The following SAMD5 variants were observed in gnomAD, a reference collection of about 807,000 sequenced individuals.
SAMD5 encodes the protein sterile alpha motif domain containing 5, also known as sterile alpha motif domain-containing protein 5.
In SAMD5, 13 loss-of-function variants were observed where a neutral mutation model predicts 11.3. The observed-to-expected ratio is 1.15, with a 90% confidence interval of 0.75 to 1.83. SAMD5 has a LOEUF of 1.83. SAMD5 is among the 40% of genes most tolerant of loss of function. The pLI is 0.00. For synonymous variants in SAMD5, 129 were observed against 111.3 expected, an observed-to-expected ratio of 1.16 and a Z score of -1.00; for missense variants, 255 against 239.1, an observed-to-expected ratio of 1.07 and a Z score of -0.44.
At chr6:147,816,591 G>T in the SAMD5 span, among the ~76,000 whole-genome samples, 2 of 151,902 alleles carry the variant, frequency 1.3e-5, no homozygotes, top group East Asian at 3.9e-4. Flanking sequence ...ATTACAAAAA[G>T]ATAATTATTT....
At chr6:147,606,883 A>G (rs894676952) in intron 1 of SAMD5, among the ~76,000 whole-genome samples, 1 of 151,942 alleles carries the variant, frequency 6.6e-6, no homozygotes, top group Non-Finnish European at 1.5e-5. Flanking sequence ...ATGTATTTTC[A>G]ATGACTATTA....
intron 1 of SAMD5, among the ~76,000 whole-genome samples, chr6:147,703,130 T>C (rs1256579301): frequency 6.6e-6 from 1 of 151,998 alleles, no homozygotes; most frequent in Non-Finnish European, 1.5e-5. Context: ...TGCAATGGTA[T>C]GATCTCGGCT....
At chr6:147,744,664 A>G in the SAMD5 span, among the ~76,000 whole-genome samples, 1 of 152,104 alleles carries the variant, frequency 6.6e-6, no homozygotes, top group Non-Finnish European at 1.5e-5. Context: ...TTGGGAGGCC[A>G]AGGCGGGCGG....
At chr6:147,873,730 T>C in the SAMD5 span, among the ~76,000 whole-genome samples, 71 of 152,330 alleles carry the variant, frequency 4.7e-4, no homozygotes, top group South Asian at 5.2e-3. Context: ...TGACTTATTA[T>C]TTAATTTGGC....
the SAMD5 span, among the ~76,000 whole-genome samples, chr6:147,795,646 C>T: frequency 6.6e-6 from 1 of 150,982 alleles, no homozygotes; most frequent in Non-Finnish European, 1.5e-5. Context: ...ACCACACTGT[C>T]TTCCACAATG....
At chr6:147,730,493 C>T (rs192500432) in intron 1 of SAMD5, among the ~76,000 whole-genome samples, 1 of 152,228 alleles carries the variant, frequency 6.6e-6, no homozygotes, top group African/African-American at 2.4e-5. Flanking sequence ...CCTAAAACTG[C>T]AAGGACAAAG....
rs1414764428 is a variant in SAMD5, at chr6:147,731,633, C to G, written c.163-5684C>G. ...AATTACTGTTAACACTTTACCCTCT[C>G]TTTTCTCTCTGGCCACTACAAAAAA... is the stretch of plus-strand genomic sequence containing the variant. On this transcript the variant is annotated intron_variant, in intron 1 of 1. Coordinates refer to the SAMD5 transcript ENST00000566741. 2.0e-4 allele frequency among the ~76,000 whole-genome samples: 26 copies of G among 130,378 alleles called. No homozygotes were observed. The Admixed American group carries it at 2.4e-3, about 12-fold the overall frequency. The allele number at this position is 130,378 out of a possible 152,430, so 85.5% of individuals were successfully genotyped here. A position where few individuals can be genotyped will look rare whatever the true frequency, so the allele number is the denominator to read the frequency against.
intron 1 of SAMD5, among the ~76,000 whole-genome samples, chr6:147,671,934 C>T (rs1790802213): frequency 7.1e-6 from 1 of 141,332 alleles, no homozygotes; most frequent in Non-Finnish European, 1.5e-5. Flanking sequence ...CACATTTACC[C>T]TTCCAGATGG....
chr6:147,793,795 A>G, the SAMD5 span, among the ~76,000 whole-genome samples: 11 of 152,162 alleles, frequency 7.2e-5, no homozygotes, highest in Non-Finnish European at 1.3e-4. Context: ...CTTTTTCACC[A>G]GTGCCACATT....
the SAMD5 span, among the ~76,000 whole-genome samples, chr6:147,794,568 A>G: frequency 3.3e-5 from 5 of 152,188 alleles, no homozygotes; most frequent in East Asian, 3.8e-4. Flanking sequence ...TGTAAAAAAC[A>G]TAACTTTGAG....
the SAMD5 span, among the ~76,000 whole-genome samples, chr6:147,931,402 G>T: frequency 2.0e-5 from 3 of 151,958 alleles, no homozygotes; most frequent in Non-Finnish European, 4.4e-5. Context: ...ATATTAAAAT[G>T]CCCTCATTTT....
the SAMD5 span, among the ~76,000 whole-genome samples, chr6:147,935,969 C>T: frequency 1.3e-5 from 2 of 152,114 alleles, no homozygotes. Context: ...CCCTGGGTAG[C>T]CTTAGCCAGC....
At chr6:147,546,825 C>G (rs1266402109) in intron 1 of SAMD5, among the ~76,000 whole-genome samples, 2 of 152,122 alleles carry the variant, frequency 1.3e-5, no homozygotes, top group African/African-American at 4.8e-5. Context: ...CTTGATATCC[C>G]CATTCCCTTC....
chr6:147,637,671 C>T (rs565035872), intron 1 of SAMD5, among the ~76,000 whole-genome samples: 4 of 152,168 alleles, frequency 2.6e-5, no homozygotes, highest in African/African-American at 7.2e-5. Flanking sequence ...ACCTCAGGAA[C>T]ACATTTTAGC....
chr6:147,877,923 C>CTAGATAGATAGATAGCTAGCTAGCTAGA, the SAMD5 span, among the ~76,000 whole-genome samples: 1 of 122,370 alleles, frequency 8.2e-6, no homozygotes, highest in Non-Finnish European at 1.7e-5. Flanking sequence ...AGCTAGCTAG[C>CTAGATAGATAGATAGCTAGCTAGCTAGA]TAGATAGATA....
intron 1 of SAMD5, among the ~76,000 whole-genome samples, chr6:147,599,965 G>A (rs1317240523): frequency 6.6e-6 from 1 of 151,996 alleles, no homozygotes; most frequent in Non-Finnish European, 1.5e-5. Context: ...GGTGTGTATG[G>A]GACCAGGAGG....
chr6:147,524,324 T>C (rs1242270030), intron 1 of SAMD5, among the ~76,000 whole-genome samples: 1 of 152,102 alleles, frequency 6.6e-6, no homozygotes. Context: ...ATCCCCAACA[T>C]AGCTGGTTTT....
At chr6:147,806,749 T>G in the SAMD5 span, among the ~76,000 whole-genome samples, 1 of 152,344 alleles carries the variant, frequency 6.6e-6, no homozygotes, top group South Asian at 2.1e-4. Flanking sequence ...TTGAGAGTGC[T>G]GTGGATTGAA....
At chr6:147,814,493 C>T in the SAMD5 span, among the ~76,000 whole-genome samples, 12 of 152,024 alleles carry the variant, frequency 7.9e-5, no homozygotes, top group Non-Finnish European at 1.2e-4. Context: ...TGTTAAAATC[C>T]GGCAACTCAA....
Sources: allele counts gnomAD v4.1 joint callset (sites outside exome capture counted in the v4.1 genomes callset), GRCh38; gene constraint gnomAD v4.1.1; transcripts MANE v1.5; gene names NCBI Gene and HGNC (gene_info 2026-07-23, HGNC 2026-07-21).